CSMD3: variants seen among roughly 807,000 people sequenced by gnomAD.
CSMD3 encodes the protein CUB and sushi domain-containing protein 3.
In CSMD3, 177 loss-of-function variants were observed where a neutral mutation model predicts 435.2. The ratio of observed to expected loss-of-function variants is 0.41; its 90% CI spans 0.36 to 0.46. CSMD3 has a LOEUF of 0.46. Among genes scored for constraint, CSMD3 ranks in the 20% least tolerant of loss-of-function variants. The probability of loss-of-function intolerance (pLI) is 0.34; values close to 1 mark genes in which losing one functional copy is unlikely to be tolerated. For synonymous variants in CSMD3, 1,656 were observed against 1,520.5 expected, an observed-to-expected ratio of 1.09 and a Z score of -2.07; for missense variants, 4,265 against 4,504.6, an observed-to-expected ratio of 0.95 and a Z score of 1.52.
intron 9 of CSMD3, among the ~76,000 whole-genome samples, chr8:112,937,350 A>AT (rs1286548713): frequency 1.5e-5 from 2 of 129,892 alleles, no homozygotes; most frequent in African/African-American, 5.7e-5. Context: ...CTAGGTAATA[A>AT]TGTTTTTTTT....
At chr8:113,165,671 T>C (rs1443369528) in intron 4 of CSMD3, among the ~76,000 whole-genome samples, 1 of 152,056 alleles carries the variant, frequency 6.6e-6, no homozygotes, top group Non-Finnish European at 1.5e-5. Context: ...TATCGTAACA[T>C]ATAATACTAA....
At position 112,576,479 on chromosome 8, in the gene CSMD3, T is replaced by C. The variant is rs1482910427; in HGVS notation, c.3886-2822A>G. On this transcript the variant is annotated intron_variant, in intron 23 of 70. Transcript: ENST00000297405. ...TCAAAAACAAATTAACACAAAATTGTCTGTATATTAGATTAGAAGCACACA... is the reference window on the plus strand; with the variant it reads ...TCAAAAACAAATTAACACAAAATTGCCTGTATATTAGATTAGAAGCACACA... 2.0e-5 allele frequency among the ~76,000 whole-genome samples: 3 copies of C among 151,998 alleles called. No individual in the cohort carries two copies. The East Asian group carries it at 5.8e-4, about 29-fold the overall frequency.
At chr8:112,525,723 C>A (rs1209660709) in intron 27 of CSMD3, among the ~76,000 whole-genome samples, 8 of 137,254 alleles carry the variant, frequency 5.8e-5, no homozygotes, top group African/African-American at 2.2e-4. Flanking sequence ...TCCGTCCTCC[C>A]AAAAAAACCC....
intron 1 of CSMD3, among the ~76,000 whole-genome samples, chr8:113,342,344 T>G (rs2094125261): frequency 6.6e-6 from 1 of 152,172 alleles, no homozygotes; most frequent in African/African-American, 2.4e-5. Context: ...ATAGAAATAC[T>G]ATTGTAAATA....
At chr8:112,857,840 T>C (rs2080707102) in intron 11 of CSMD3, among the ~76,000 whole-genome samples, 1 of 151,728 alleles carries the variant, frequency 6.6e-6, no homozygotes, top group Non-Finnish European at 1.5e-5. Context: ...TTCATGTTTT[T>C]TTTTTTCCTC....
At chr8:113,042,429 C>T (rs762823078) in intron 5 of CSMD3, among the ~76,000 whole-genome samples, 18 of 152,214 alleles carry the variant, frequency 1.2e-4, no homozygotes, top group South Asian at 4.2e-4. Context: ...GTTTTCTTTA[C>T]AGTACCTGCA....
In CSMD3 at chr8:112,806,565, T is replaced by C. The variant is rs146400625; in HGVS notation, c.1860-6291A>G. ...TAAGAACAAGCATTGATCCCAGTAT[T>C]GTGCTTAGGAGATGCAATATCCTAA... On this transcript the variant is annotated intron_variant, in intron 12 of 70. Transcript: ENST00000297405. 4.6e-5 allele frequency among the ~76,000 whole-genome samples: 7 copies of C among 152,324 alleles called. No individual in the cohort carries two copies. In the East Asian group the frequency reaches 1.4e-3, roughly 29 times the overall value.
At chr8:112,251,958 T>C (rs1370004918) in intron 63 of CSMD3, among the ~76,000 whole-genome samples, 1 of 151,942 alleles carries the variant, frequency 6.6e-6, no homozygotes, top group Non-Finnish European at 1.5e-5. Context: ...GAATACTTTT[T>C]TCAATGATAG....
rs1379777749 is a variant in CSMD3 at position 112,224,880 on chromosome 8, T to C, written c.11015A>G (p.Asn3672Ser). 1.2e-6 allele frequency: 2 copies of C among 1,613,976 alleles called. No homozygotes were observed. The highest frequency in any genetic ancestry group is 1.3e-5 in the African/African-American group (1 of 74,934). ...GGGATTTTCAAAAGCTGCTTGGCCA[T>C]TGTTATTTTCATGAACTGAACATCC... ...YTGCSVHENNNGQAAFENPMY... is the reference protein window; with the variant it reads ...YTGCSVHENNSGQAAFENPMY... The change falls in exon 71 of 71, where the codon AAT becomes AGT. Residue 3672 changes from asparagine to serine, a missense_variant. Physicochemically the swap from Asn to Ser is conservative, Grantham distance 46 (BLOSUM62 1). Transcript: ENST00000297405.
rs559271106 is a variant in CSMD3 at position 112,287,841 on chromosome 8, C to T, written c.9149-595G>A. Among the ~76,000 whole-genome samples, 13 of 152,026 alleles carry T rather than the reference C, an allele frequency of 8.6e-5. 1 individual carries two copies. The South Asian group carries it at 2.7e-3, about 32-fold the overall frequency. On this transcript the variant is annotated intron_variant, in intron 57 of 70. Coordinates refer to ENST00000297405, the MANE Select transcript of CSMD3 (RefSeq NM_198123.2). ...AAACATAAAAATAAAATGTAAAAGA[C>T]CAAAATTTAGAAACTCTGACTTAAG...
chr8:112,859,699 T>C (rs2080768551), intron 10 of CSMD3, among the ~76,000 whole-genome samples: 1 of 151,706 alleles, frequency 6.6e-6, no homozygotes, highest in Non-Finnish European at 1.5e-5. Context: ...GAACCATCAA[T>C]AGAAAAACTT....
At chr8:112,278,760 T>C (rs1381093635) in intron 59 of CSMD3, among the ~76,000 whole-genome samples, 1 of 152,180 alleles carries the variant, frequency 6.6e-6, no homozygotes, top group Admixed American at 6.5e-5. Flanking sequence ...TGCTACTGTC[T>C]ATGTGTCTGT....
Position 112,459,664 on chromosome 8 carries a change from C to T in CSMD3, c.5395+12927G>A, listed in dbSNP as rs146225092. The stretch of plus-strand genomic sequence containing the variant: ...AATTAAGCATTTCTGTTTCATTGGG[C>T]ATTAGGTAGCCTCAGCCTAGCAAAT... On this transcript the variant is annotated intron_variant, in intron 32 of 70. Coordinates refer to ENST00000297405, the MANE Select transcript of CSMD3 (RefSeq NM_198123.2). Among the ~76,000 whole-genome samples, 1,322 of 152,160 alleles carry T rather than the reference C, an allele frequency of 8.7e-3. 17 individuals carry two copies. The highest frequency in any genetic ancestry group is 0.031 in the African/African-American group (1,275 of 41,522).
intron 13 of CSMD3, among the ~76,000 whole-genome samples, chr8:112,791,319 G>GAAAAAAAAAAAA (rs3047119): frequency 9.7e-6 from 1 of 103,194 alleles, no homozygotes. Context: ...CATATCCTGT[G>GAAAAAAAAAAAA]AAAAAAAAAA....
chr8:112,413,042 C>T (rs1207428255), intron 32 of CSMD3, among the ~76,000 whole-genome samples: 17 of 152,092 alleles, frequency 1.1e-4, no homozygotes, highest in Non-Finnish European at 2.5e-4. Context: ...TGGCAACATT[C>T]GTGGAGTTCT....
intron 52 of CSMD3, among the ~76,000 whole-genome samples, chr8:112,302,210 T>TC (rs1563761143): frequency 7.2e-6 from 1 of 139,086 alleles, no homozygotes; most frequent in African/African-American, 2.8e-5. Context: ...TTCTTTTTTT[T>TC]TCATTTTTTT....
intron 4 of CSMD3, among the ~76,000 whole-genome samples, chr8:113,127,287 T>C (rs2091161479): frequency 6.6e-6 from 1 of 152,084 alleles, no homozygotes. Context: ...TCCACTTGGA[T>C]CTGTCACAAG....
At chr8:112,617,141 C>T (rs900530991) in intron 22 of CSMD3, among the ~76,000 whole-genome samples, 2 of 152,172 alleles carry the variant, frequency 1.3e-5, no homozygotes, top group African/African-American at 4.8e-5. Context: ...ATAGGCTTAT[C>T]TTCCTTGACA....
At chr8:112,531,095 C>A (rs1333383290) in intron 27 of CSMD3, among the ~76,000 whole-genome samples, 1 of 152,044 alleles carries the variant, frequency 6.6e-6, no homozygotes, top group Admixed American at 6.6e-5. Flanking sequence ...AGTGCAGAGA[C>A]AAACAGAGAG....
Sources: gnomAD v4.1 joint callset for allele counts (sites outside exome capture counted in the v4.1 genomes callset) on GRCh38, gnomAD v4.1.1 for gene constraint, MANE v1.5 for transcripts, NCBI Gene and HGNC (gene_info 2026-07-23, HGNC 2026-07-21) for gene names.